Variants in SHROOM4 observed in about 807,000 individuals in gnomAD.
The protein encoded by SHROOM4 is shroom family member 4.
Under a neutral mutation model 80.3 loss-of-function variants are expected in SHROOM4, and 17 were observed. That is an observed-to-expected ratio of 0.21 (90% CI 0.14 to 0.32). SHROOM4 has a LOEUF of 0.32. SHROOM4 is among the 10% of genes least tolerant of loss of function. The probability of loss-of-function intolerance (pLI) is 1.00; values close to 1 mark genes in which losing one functional copy is unlikely to be tolerated. For missense variants in SHROOM4, 993 were observed against 1,140.3 expected (o/e 0.87, Z 1.86); for synonymous variants, 400 against 437.5 (o/e 0.91, Z 1.07).
chrX:50,580,368 C>T, the SHROOM4 span, among the ~76,000 whole-genome samples: 1 of 112,171 alleles, frequency 8.9e-6, no homozygotes, highest in South Asian at 3.7e-4. Flanking sequence ...CTTCAAGGAC[C>T]ACACTTTGAG....
chrX:50,809,940 G>A (rs1013220616), intron 1 of SHROOM4, among the ~76,000 whole-genome samples: 5 of 111,134 alleles, frequency 4.5e-5, no homozygotes, highest in Non-Finnish European at 9.4e-5. Context: ...GATCTCACTC[G>A]AAACACCACA....
Position 50,715,747 on chromosome X carries a change from C to T in SHROOM4, c.118-19810G>A, listed in dbSNP as rs145633423. On this transcript the variant is annotated intron_variant, in intron 1 of 8. Transcript: ENST00000376020. ...GTTAGGTGCTGTGGTGAGGCTTGCA[C>T]AGCGGTGGTGGGAATGTAAATTAGT... 1.1e-3 allele frequency among the ~76,000 whole-genome samples: 120 copies of T among 109,828 alleles called. 1 individual carries two copies. Among genetic ancestry groups the T allele is most frequent in the East Asian group, 0.01 (35 of 3,452 alleles).
intron 1 of SHROOM4, among the ~76,000 whole-genome samples, chrX:50,742,287 TCACA>T (rs1170789585): frequency 9.8e-5 from 11 of 111,764 alleles, no homozygotes; most frequent in Admixed American, 2.9e-4. Context: ...ACCATCCACC[TCACA>T]CACAATGCCC....
At chrX:50,809,911 A>T (rs887182579) in intron 1 of SHROOM4, among the ~76,000 whole-genome samples, 1 of 111,849 alleles carries the variant, frequency 8.9e-6, no homozygotes, top group Non-Finnish European at 1.9e-5. Context: ...TGGGTCATGT[A>T]TCTTTTACTT....
intron 2 of SHROOM4, among the ~76,000 whole-genome samples, chrX:50,668,648 A>G (rs782783921): frequency 8.9e-6 from 1 of 112,523 alleles, no homozygotes; most frequent in South Asian, 3.7e-4. Flanking sequence ...ACAAGATCAC[A>G]GAAATGTTAG....
At chrX:50,727,019 G>A (rs982154149) in intron 1 of SHROOM4, among the ~76,000 whole-genome samples, 1 of 113,137 alleles carries the variant, frequency 8.8e-6, no homozygotes, top group Non-Finnish European at 1.9e-5. Flanking sequence ...AGAGCCACAG[G>A]GGTGGAGCTG....
chrX:50,702,790 T>A (rs183907915), intron 1 of SHROOM4, among the ~76,000 whole-genome samples: 188 of 111,865 alleles, frequency 1.7e-3, no homozygotes, highest in Non-Finnish European at 2.9e-3. Flanking sequence ...TAAGAAAGAA[T>A]TAAAAGAATA....
chrX:50,662,738 T>A (rs1375035603), intron 2 of SHROOM4, among the ~76,000 whole-genome samples: 1 of 111,836 alleles, frequency 8.9e-6, no homozygotes, highest in East Asian at 2.8e-4. Context: ...TATATGTGAT[T>A]TGACACCAGT....
At chrX:50,756,536 C>T (rs1569548583) in intron 1 of SHROOM4, among the ~76,000 whole-genome samples, 1 of 112,049 alleles carries the variant, frequency 8.9e-6, no homozygotes, top group African/African-American at 3.2e-5. Flanking sequence ...CTGAGTCATA[C>T]GATAGCTCTA....
chrX:50,637,930 T>C (rs1327265915), intron 3 of SHROOM4, among the ~76,000 whole-genome samples: 1 of 111,603 alleles, frequency 9.0e-6, no homozygotes, highest in Admixed American at 9.5e-5. Flanking sequence ...AGCAGGACAG[T>C]GTGGTGTCTT....
intron 1 of SHROOM4, among the ~76,000 whole-genome samples, chrX:50,763,840 T>C (rs375187841): frequency 1.4e-3 from 152 of 111,408 alleles, no homozygotes; most frequent in African/African-American, 4.8e-3. Flanking sequence ...TGGTTGCTTT[T>C]GAGTCAATGC....
chrX:50,732,961 T>C (rs1934404205), intron 1 of SHROOM4, among the ~76,000 whole-genome samples: 1 of 112,018 alleles, frequency 8.9e-6, no homozygotes, highest in African/African-American at 3.2e-5. Flanking sequence ...GACAAAGATA[T>C]CACAAGAAAC....
chrX:50,736,396 G>A (rs782405652), intron 1 of SHROOM4, among the ~76,000 whole-genome samples: 1 of 110,531 alleles, frequency 9.0e-6, no homozygotes, highest in South Asian at 3.9e-4. Context: ...TTTTCCTAAC[G>A]CTCTCCATCT....
At chrX:50,785,325 CAG>C (rs1206050504) in intron 1 of SHROOM4, among the ~76,000 whole-genome samples, 1 of 111,248 alleles carries the variant, frequency 9.0e-6, no homozygotes, top group African/African-American at 3.3e-5. Flanking sequence ...TATGTTCACA[CAG>C]ACTTATATGT....
chrX:50,617,197 C>A (rs1308141687), intron 5 of SHROOM4, among the ~76,000 whole-genome samples: 2 of 112,433 alleles, frequency 1.8e-5, no homozygotes, highest in Non-Finnish European at 3.8e-5. Context: ...AGGTATTTCA[C>A]TTACCTCATT....
At chrX:50,738,164 T>C (rs1396891276) in intron 1 of SHROOM4, among the ~76,000 whole-genome samples, 1 of 110,897 alleles carries the variant, frequency 9.0e-6, no homozygotes, top group Non-Finnish European at 1.9e-5. Context: ...AATTAAATAT[T>C]GATGGGACGT....
chrX:50,625,313 A>C (rs1361831541), intron 5 of SHROOM4, among the ~76,000 whole-genome samples: 1 of 112,304 alleles, frequency 8.9e-6, no homozygotes, highest in Non-Finnish European at 1.9e-5. Flanking sequence ...GAGCATATTA[A>C]GCTGGTGAAA....
intron 1 of SHROOM4, among the ~76,000 whole-genome samples, chrX:50,746,183 T>C (rs1934769980): frequency 8.9e-6 from 1 of 112,134 alleles, no homozygotes; most frequent in African/African-American, 3.2e-5. Flanking sequence ...ATAATCAAGA[T>C]GGTGAACTTA....
At chrX:50,706,111 A>G (rs1174850435) in intron 1 of SHROOM4, among the ~76,000 whole-genome samples, 1 of 109,303 alleles carries the variant, frequency 9.1e-6, no homozygotes, top group Non-Finnish European at 1.9e-5. Context: ...TTACTATTCT[A>G]TCTGTTGAGA....
Sources: gnomAD v4.1 joint callset for allele counts (sites outside exome capture counted in the v4.1 genomes callset) on GRCh38, gnomAD v4.1.1 for gene constraint, MANE v1.5 for transcripts, NCBI Gene and HGNC (gene_info 2026-07-23, HGNC 2026-07-21) for gene names.